Variants in ACOXL observed in about 807,000 individuals in gnomAD.
ACOXL encodes acyl-CoA oxidase like.
A neutral mutation model predicts 71.9 loss-of-function variants in ACOXL; 70 were observed. That is an observed-to-expected ratio of 0.97 (90% CI 0.80 to 1.19). ACOXL has a LOEUF of 1.19. Ranked by LOEUF, ACOXL falls within the 50% of genes most tolerant of loss-of-function variation. The pLI is 0.00. For synonymous variants in ACOXL, 253 were observed against 281.6 expected (o/e 0.90, Z 1.02); for missense variants, 703 against 736.3 (o/e 0.95, Z 0.52).
At chr2:110,747,795 C>G (rs1182979987) in intron 1 of ACOXL, among the ~76,000 whole-genome samples, 2 of 151,970 alleles carry the variant, frequency 1.3e-5, no homozygotes, top group East Asian at 3.9e-4. Context: ...GAGGTTATAT[C>G]TGTTTGCATC....
At chr2:110,972,649 GCACA>G (rs56400982) in intron 12 of ACOXL, among the ~76,000 whole-genome samples, 20,489 of 149,918 alleles carry the variant, frequency 0.14, 2,239 homozygotes, top group African/African-American at 0.31. Flanking sequence ...ACACACACGT[GCACA>G]CACACACACA....
intron 10 of ACOXL, among the ~76,000 whole-genome samples, chr2:110,868,647 G>A (rs893706071): frequency 6.6e-6 from 1 of 152,120 alleles, no homozygotes; most frequent in African/African-American, 2.4e-5. Context: ...GGAGTGCACT[G>A]GTGCAACCCC....
At chr2:110,856,339 A>T (rs1397007700) in intron 10 of ACOXL, among the ~76,000 whole-genome samples, 1 of 152,172 alleles carries the variant, frequency 6.6e-6, no homozygotes, top group Non-Finnish European at 1.5e-5. Flanking sequence ...TTAGTCACTT[A>T]GTAGCTGTCT....
chr2:110,931,572 G>T (rs939862048), intron 11 of ACOXL, among the ~76,000 whole-genome samples: 4 of 152,122 alleles, frequency 2.6e-5, no homozygotes, highest in Non-Finnish European at 5.9e-5. Context: ...GGAATAGAGA[G>T]CCCTGGGTTT....
At chr2:111,027,325 CTTT>C (rs530926518) in intron 14 of ACOXL, among the ~76,000 whole-genome samples, 2 of 142,080 alleles carry the variant, frequency 1.4e-5, no homozygotes, top group African/African-American at 2.6e-5. Context: ...GAAAATTATT[CTTT>C]TTTTTTTTTT....
chr2:110,770,896 C>A (rs561004661), intron 2 of ACOXL, among the ~76,000 whole-genome samples: 15 of 152,310 alleles, frequency 9.8e-5, no homozygotes, highest in African/African-American at 3.6e-4. Context: ...TAATTGCAGC[C>A]CGACCCGCTG....
At chr2:110,924,512 CA>C (rs1325450867) in intron 11 of ACOXL, among the ~76,000 whole-genome samples, 1 of 152,182 alleles carries the variant, frequency 6.6e-6, no homozygotes, top group Non-Finnish European at 1.5e-5. Flanking sequence ...ACAATGTTCA[CA>C]GCATTTTCAC....
chr2:110,760,193 G>A (rs1680212110), intron 1 of ACOXL, among the ~76,000 whole-genome samples: 1 of 150,044 alleles, frequency 6.7e-6, no homozygotes, highest in African/African-American at 2.5e-5. Context: ...AGGCTGGAGT[G>A]CAGTGGTGCA....
At chr2:110,977,402 AC>A (rs2062500087) in intron 12 of ACOXL, among the ~76,000 whole-genome samples, 1 of 150,710 alleles carries the variant, frequency 6.6e-6, no homozygotes, top group Non-Finnish European at 1.5e-5. Flanking sequence ...AAAAGAAAAA[AC>A]ACAAAAAACT....
At chr2:110,956,625 C>T (rs1010193886) in intron 12 of ACOXL, among the ~76,000 whole-genome samples, 2 of 152,142 alleles carry the variant, frequency 1.3e-5, no homozygotes, top group East Asian at 1.9e-4. Context: ...TAGTGCCACC[C>T]GAAGACACGG....
chr2:110,962,978 C>T (rs991070870), intron 12 of ACOXL, among the ~76,000 whole-genome samples: 7 of 152,170 alleles, frequency 4.6e-5, no homozygotes, highest in Non-Finnish European at 8.8e-5. Context: ...ACAGGCTTTG[C>T]TTCTTTCATG....
chr2:110,951,884 A>C (rs1354396441), intron 12 of ACOXL, among the ~76,000 whole-genome samples: 1 of 152,290 alleles, frequency 6.6e-6, no homozygotes, highest in East Asian at 1.9e-4. Flanking sequence ...TTCATTTGGT[A>C]ATATTTGTTT....
Position 110,793,743 on chromosome 2 carries a change from T to C in ACOXL, c.246+7T>C. On this transcript the variant is annotated splice_region_variant and intron_variant, in intron 4 of 17. Transcript: ENST00000439055. ...GTGGTTTCAGCCACTCCAGGTATGG[T>C]ATTTTCCTCAACATTGGTCTTCTAT... is the stretch of plus-strand genomic sequence containing the variant. 6.2e-7 allele frequency: 1 copy of C among 1,611,270 alleles called. No homozygotes were observed. Among genetic ancestry groups the C allele is most frequent in the East Asian group, 2.2e-5 (1 of 44,882 alleles).
intron 17 of ACOXL, among the ~76,000 whole-genome samples, chr2:111,097,995 T>C (rs1198921488): frequency 6.6e-6 from 1 of 152,206 alleles, no homozygotes; most frequent in Non-Finnish European, 1.5e-5. Context: ...ATACTTATTT[T>C]ACAATGGAGA....
At position 110,818,856 on chromosome 2, in the gene ACOXL, A is replaced by T. The variant is rs112170532; in HGVS notation, c.753+13461A>T. Among the ~76,000 whole-genome samples, 62 of 64,612 alleles carry T rather than the reference A, an allele frequency of 9.6e-4. 8 individuals are homozygous for T. The highest frequency in any genetic ancestry group is 1.9e-3 in the African/African-American group (57 of 29,984). The allele number at this position is 64,612 out of a possible 152,430, so 42.4% of individuals were successfully genotyped here. The stretch of plus-strand genomic sequence containing the variant: ...TGTCAGCACCCTGGGAGCACACGGA[A>T]GCTCGTGATCAGCCAAAGCTGACCT... On this transcript the variant is annotated intron_variant, in intron 9 of 17. Coordinates refer to ENST00000439055, the MANE Select transcript of ACOXL (RefSeq NM_001142807.4).
intron 3 of ACOXL, among the ~76,000 whole-genome samples, chr2:110,790,872 TTCTTG>T (rs1221525057): frequency 6.6e-6 from 1 of 152,228 alleles, no homozygotes; most frequent in Non-Finnish European, 1.5e-5. Context: ...GGTCTCCATC[TTCTTG>T]GAAACTCAGG....
intron 16 of ACOXL, among the ~76,000 whole-genome samples, chr2:111,086,834 A>G (rs1185825839): frequency 6.6e-6 from 1 of 152,214 alleles, no homozygotes; most frequent in African/African-American, 2.4e-5. Context: ...AATAAAAGGT[A>G]TCCAACTAGG....
chr2:110,908,969 T>A, intron 11 of ACOXL, 64 bp downstream of exon 11: 1 of 1,218,918 alleles, frequency 8.2e-7, no homozygotes, highest in Non-Finnish European at 1.2e-6. Context: ...GAGTAAGAAT[T>A]CAGAGCAGCA....
chr2:111,039,174 A>G (rs970045573), intron 15 of ACOXL, among the ~76,000 whole-genome samples: 3 of 152,220 alleles, frequency 2.0e-5, no homozygotes, highest in Non-Finnish European at 2.9e-5. Context: ...TATTTCTTCA[A>G]TGCATCTGTT....
Sources: allele counts gnomAD v4.1 joint callset (sites outside exome capture counted in the v4.1 genomes callset), GRCh38; gene constraint gnomAD v4.1.1; transcripts MANE v1.5; gene names NCBI Gene and HGNC (gene_info 2026-07-23, HGNC 2026-07-21).